Variants in KATNIP observed in about 807,000 individuals in gnomAD.
The protein encoded by KATNIP is katanin-interacting protein.
Under a neutral mutation model 174.0 loss-of-function variants are expected in KATNIP, and 126 were observed. That is an observed-to-expected ratio of 0.72 (90% CI 0.63 to 0.84). The LOEUF (loss-of-function observed/expected upper bound fraction) is 0.84, where lower values mean the gene tolerates loss of function less well. Among genes scored for constraint, KATNIP ranks in the 40% least tolerant of loss-of-function variants. KATNIP has a pLI of 0.00. For missense variants in KATNIP, 1,958 were observed against 2,109.7 expected (o/e 0.93, Z 1.41); for synonymous variants, 810 against 835.7 (o/e 0.97, Z 0.53).
chr16:27,777,659 G>A lies in KATNIP; in HGVS notation c.4601G>A (p.Ser1534Asn). The A allele has an allele frequency of 6.2e-7, 1 of 1,613,944 alleles. No individual in the cohort carries two copies. Among genetic ancestry groups the A allele is most frequent in the Non-Finnish European group, 8.5e-7 (1 of 1,179,974 alleles). The change falls in exon 26 of 28, where the codon AGC (serine) becomes AAC (asparagine). Residue 1534 changes from serine (S) to asparagine (N), a missense_variant. By Grantham distance (46) the Ser-to-Asn change is conservative. Around this residue, in one of 3 missense-constraint regions of KATNIP, gnomAD observed 383 missense variants for 456.0 expected, o/e 0.84. Coordinates refer to ENST00000261588, the MANE Select transcript of KATNIP (RefSeq NM_015202.5). The surrounding 1 kb of genome is among the most constrained non-coding windows in gnomAD (Gnocchi z 4.4). ...LVYNGILAMV[S>N]HLVGGILPTC... ...TACAATGGGATCCTGGCCATGGTGAGCCACCTGGTGGGGGGCATCCTGCCC... is the reference window on the plus strand; with the variant it reads ...TACAATGGGATCCTGGCCATGGTGAACCACCTGGTGGGGGGCATCCTGCCC...
chr16:27,727,752 C>G (rs995698153), intron 14 of KATNIP: 4 of 152,256 alleles, frequency 2.6e-5, no homozygotes, highest in African/African-American at 9.6e-5. Context: ...GTGTATCCAT[C>G]ACCTGCTTCA....
rs142545568 is a variant in KATNIP, at chr16:27,730,027, C to T, written c.1743+8332C>T. On this transcript the variant is annotated intron_variant, in intron 14 of 27. Coordinates refer to ENST00000261588, the MANE Select transcript of KATNIP (RefSeq NM_015202.5). Reference sequence around the variant, plus strand: ...GTTGTGCTGGGAATCAGCACTGATACGCTGCCTGCCCCTGCAAGCTCATGC... The same window carrying T: ...GTTGTGCTGGGAATCAGCACTGATATGCTGCCTGCCCCTGCAAGCTCATGC... 4.6e-5 allele frequency among the ~76,000 whole-genome samples: 7 copies of T among 152,350 alleles called. No homozygotes were observed. In the East Asian group the frequency reaches 1.4e-3, roughly 29 times the overall value.
intron 2 of KATNIP, among the ~76,000 whole-genome samples, chr16:27,605,463 A>T (rs1001862114): frequency 6.6e-6 from 1 of 152,232 alleles, no homozygotes; most frequent in South Asian, 2.1e-4. Flanking sequence ...TTGGCAGTCT[A>T]TAAAACCTGA....
intron 3 of KATNIP, among the ~76,000 whole-genome samples, chr16:27,627,642 T>C (rs1189925765): frequency 6.6e-6 from 1 of 152,256 alleles, no homozygotes. Flanking sequence ...ATAATGAGAA[T>C]CGACTTTAGG....
chr16:27,693,444 C>G (rs954269777), intron 8 of KATNIP, among the ~76,000 whole-genome samples: 1 of 151,970 alleles, frequency 6.6e-6, no homozygotes, highest in Non-Finnish European at 1.5e-5. Flanking sequence ...GCTGGAGTGC[C>G]GTGGCATGAT....
chr16:27,773,251 G>T (rs374249785), intron 23 of KATNIP, 42 bp downstream of exon 23: 4 of 1,351,258 alleles, frequency 3.0e-6, no homozygotes, highest in African/African-American at 2.9e-5. Flanking sequence ...CCAGACTGAA[G>T]GGAGCATGGG....
chr16:27,701,577 T>TTC lies in KATNIP; in HGVS notation c.1180-11_1180-10dup. 1.3e-6 allele frequency: 2 copies of TTC among 1,569,978 alleles called. No individual in the cohort carries two copies. The highest frequency in any genetic ancestry group is 2.3e-5 in the South Asian group (2 of 85,312). ...CCTGAGACATCTGTTTAATAAGCCT[T>TTC]TCCATCCTCAGCTGCTTCCCATCAC... On this transcript the variant is annotated splice_polypyrimidine_tract_variant and intron_variant, in intron 10 of 27. Transcript: ENST00000261588.
intron 5 of KATNIP, among the ~76,000 whole-genome samples, chr16:27,639,640 A>G (rs969166580): frequency 1.3e-5 from 2 of 152,212 alleles, no homozygotes; most frequent in African/African-American, 2.4e-5. Flanking sequence ...CTCAGCCACC[A>G]TATCCTGTGT....
chr16:27,693,047 A>AG (rs11372087), intron 8 of KATNIP, among the ~76,000 whole-genome samples: 152,297 of 152,298 alleles, frequency 1, 76,148 homozygotes, highest in Non-Finnish European at 1. Flanking sequence ...TGGCTATTTC[A>AG]GGACCTGATC....
chr16:27,648,845 C>G (rs1022490601), intron 6 of KATNIP, 110 bp downstream of exon 6: 6 of 1,224,226 alleles, frequency 4.9e-6, no homozygotes, highest in African/African-American at 3.0e-5. Flanking sequence ...GTCCTTCACT[C>G]GCCGCTGTGT....
At position 27,681,527 on chromosome 16, in the gene KATNIP, T is replaced by C. The variant is rs777375540; in HGVS notation, c.937T>C (p.Ser313Pro). ...AVFPDQERMCSRPGSRRERPL... is the reference protein window; with the variant it reads ...AVFPDQERMCPRPGSRRERPL... ...ATTCCCAGACCAGGAGAGGATGTGC[T>C]CCAGTAAGAGTTCCGGGGGCCCCTG... is the stretch of plus-strand genomic sequence containing the variant. The change falls in exon 8 of 28, where the codon TCC (serine) becomes CCC (proline). Residue 313 changes from serine to proline, a missense_variant. Coordinates refer to ENST00000261588, the MANE Select transcript of KATNIP (RefSeq NM_015202.5). The C allele has an allele frequency of 1.4e-5, 23 of 1,614,022 alleles. No homozygotes were observed. The highest frequency in any genetic ancestry group is 1.9e-5 in the Non-Finnish European group (22 of 1,180,026).
rs1234260381 is a variant in KATNIP at position 27,740,181 on chromosome 16, A to C, written c.1884A>C (p.Gln628His). 1 of 1,614,164 alleles carries C rather than the reference A, an allele frequency of 6.2e-7. No homozygotes were observed. Among genetic ancestry groups the C allele is most frequent in the African/African-American group, 1.3e-5 (1 of 75,044 alleles). ...ACCAGAAGAACGAGAAGAGCGAGCA[A>C]CTAGAGGAGGCCATGAACGCTCACT... Reference protein sequence around the residue: ...LVDQKNEKSEQLEEAMNAHSE... With the variant: ...LVDQKNEKSEHLEEAMNAHSE... Residue 628 changes from glutamine to histidine, a missense_variant, in exon 15 of 28, where the codon CAA becomes CAC. Around this residue, in one of 3 missense-constraint regions of KATNIP, gnomAD observed 1,557 missense variants for 1,617.8 expected, o/e 0.96. Transcript: ENST00000261588.
At chr16:27,743,987 T>C (rs954779203) in intron 15 of KATNIP, among the ~76,000 whole-genome samples, 10 of 152,212 alleles carry the variant, frequency 6.6e-5, no homozygotes, top group African/African-American at 2.2e-4. Flanking sequence ...CTTTAATTTC[T>C]TTCCAAGCAT....
At chr16:27,700,130 T>G (rs1010858999) in intron 10 of KATNIP, among the ~76,000 whole-genome samples, 1 of 152,080 alleles carries the variant, frequency 6.6e-6, no homozygotes, top group Non-Finnish European at 1.5e-5. Context: ...CAGGCTGGTC[T>G]CGAACTCCTG....
intron 2 of KATNIP, among the ~76,000 whole-genome samples, chr16:27,601,941 A>G: frequency 6.6e-6 from 1 of 152,066 alleles, no homozygotes; most frequent in Admixed American, 6.5e-5. Flanking sequence ...TTGGATGGAA[A>G]TCAGGTGGAT....
At chr16:27,663,309 A>T (rs375166299) in intron 6 of KATNIP, among the ~76,000 whole-genome samples, 42 of 150,272 alleles carry the variant, frequency 2.8e-4, no homozygotes, top group East Asian at 1.6e-3. Context: ...TTTAATTTTC[A>T]TACTATTTTC....
chr16:27,558,986 G>C (rs970011503), intron 1 of KATNIP, among the ~76,000 whole-genome samples: 1 of 152,182 alleles, frequency 6.6e-6, no homozygotes, highest in Non-Finnish European at 1.5e-5. Context: ...GAGTCTGTGG[G>C]GAAGAACTGG....
intron 13 of KATNIP, among the ~76,000 whole-genome samples, chr16:27,714,823 G>A (rs1209824037): frequency 1.3e-5 from 2 of 152,120 alleles, no homozygotes; most frequent in Admixed American, 6.5e-5. Flanking sequence ...AACTGGAAAA[G>A]CATCCCCTGT....
At chr16:27,698,547 G>T in intron 9 of KATNIP, 47 bp downstream of exon 9, 1 of 1,537,180 alleles carries the variant, frequency 6.5e-7, no homozygotes, top group Non-Finnish European at 8.8e-7. Flanking sequence ...CCCTGGACTG[G>T]GCAGTGTCTG....
Sources: gnomAD v4.1 joint callset for allele counts (sites outside exome capture counted in the v4.1 genomes callset) on GRCh38, gnomAD v4.1.1 for gene constraint, gnomAD v4.1.1 regional missense constraint, Gnocchi (gnomAD v3.1) non-coding constraint, MANE v1.5 for transcripts, NCBI Gene and HGNC (gene_info 2026-07-23, HGNC 2026-07-21) for gene names.